Variants in PRKCH observed in about 807,000 individuals in gnomAD.
PRKCH encodes protein kinase C eta type.
PRKCH carries 28 observed loss-of-function variants against 82.5 expected under a neutral mutation model. The observed-to-expected ratio is 0.34, with a 90% CI of 0.25 to 0.47. PRKCH has a LOEUF of 0.47. Among genes scored for constraint, PRKCH ranks in the 20% least tolerant of loss-of-function variants. The pLI, the probability that PRKCH is intolerant of heterozygous loss-of-function variation, is 1.00. For synonymous variants in PRKCH, 322 were observed against 327.4 expected, an observed-to-expected ratio of 0.98 and a Z score of 0.18; for missense variants, 705 against 881.8, an observed-to-expected ratio of 0.80 and a Z score of 2.54.
At position 61,395,300 on chromosome 14, in the gene PRKCH, G is replaced by T. The variant is rs2031409; in HGVS notation, c.427+4012G>T. Among the ~76,000 whole-genome samples, 29 of 136,056 alleles carry T rather than the reference G, an allele frequency of 2.1e-4. 1 individual carries two copies. The South Asian group carries it at 6.2e-3, about 29-fold the overall frequency. The allele number at this position is 136,056 out of a possible 152,430, so 89.3% of individuals were successfully genotyped here. A position where few individuals can be genotyped will look rare whatever the true frequency, so the allele number is the denominator to read the frequency against. ...TAAGAAGGAAATGGAGCCCCCCCCC[G>T]CATTTGCCTGCCACAGCTGTGGCAG... On this transcript the variant is annotated intron_variant, in intron 2 of 13. Coordinates refer to ENST00000332981, the MANE Select transcript of PRKCH (RefSeq NM_006255.5).
chr14:61,279,773 T>G, intron 1 of PRKCH: 1 of 295,692 alleles, frequency 3.4e-6, no homozygotes, highest in East Asian at 7.0e-5. Flanking sequence ...CTTCCTCTAA[T>G]AGGGGTTTAA....
chr14:61,210,850 T>C (rs1055855055), intron 1 of PRKCH, among the ~76,000 whole-genome samples: 1 of 151,674 alleles, frequency 6.6e-6, no homozygotes, highest in Non-Finnish European at 1.5e-5. Context: ...CTGGGTTGAA[T>C]TAGAGAAGCA....
At chr14:61,432,232 T>C (rs919727625) in intron 2 of PRKCH, among the ~76,000 whole-genome samples, 2 of 152,186 alleles carry the variant, frequency 1.3e-5, no homozygotes, top group East Asian at 3.8e-4. Flanking sequence ...CCTTGATATT[T>C]TTGATATCTT....
At chr14:61,463,720 G>A (rs77606516) in intron 9 of PRKCH, among the ~76,000 whole-genome samples, 221 of 151,882 alleles carry the variant, frequency 1.5e-3, no homozygotes, top group African/African-American at 4.5e-3. Flanking sequence ...TATTTTTTTG[G>A]TCAACATCTC....
chr14:61,409,023 C>T (rs1882114498), intron 2 of PRKCH, among the ~76,000 whole-genome samples: 1 of 152,222 alleles, frequency 6.6e-6, no homozygotes, highest in Non-Finnish European at 1.5e-5. Flanking sequence ...TTCCTGTTCG[C>T]TAGGCCACAG....
chr14:61,238,188 G>A (rs1029630228), intron 1 of PRKCH, among the ~76,000 whole-genome samples: 8 of 152,238 alleles, frequency 5.3e-5, no homozygotes, highest in African/African-American at 1.9e-4. Flanking sequence ...CCTAACTATA[G>A]CCTCCATTAG....
chr14:61,532,326 G>A (rs1053668881), intron 12 of PRKCH, among the ~76,000 whole-genome samples: 1 of 152,174 alleles, frequency 6.6e-6, no homozygotes, highest in Non-Finnish European at 1.5e-5. Context: ...GGAAATAAAA[G>A]TCAGTCTATG....
intron 1 of PRKCH, among the ~76,000 whole-genome samples, chr14:61,262,217 T>TACAAAAA (rs1203573094): frequency 5.6e-5 from 4 of 71,088 alleles, no homozygotes; most frequent in Admixed American, 4.3e-4. Flanking sequence ...TGAGACTCTG[T>TACAAAAA]ATAAAAAAAA....
chr14:61,232,922 C>G (rs559842175), intron 1 of PRKCH, among the ~76,000 whole-genome samples: 54 of 152,250 alleles, frequency 3.5e-4, no homozygotes, highest in African/African-American at 1.2e-3. Flanking sequence ...AAGACATTGG[C>G]AATTCCAAGG....
chr14:61,431,484 A>T (rs141889470), intron 2 of PRKCH, among the ~76,000 whole-genome samples: 1 of 152,280 alleles, frequency 6.6e-6, no homozygotes, highest in African/African-American at 2.4e-5. Context: ...CCTTGGTCTC[A>T]TTCTACCTTA....
Position 61,450,736 on chromosome 14 carries a change from C to G in PRKCH, c.703-106C>G, listed in dbSNP as rs574195251. 47 of 1,325,274 alleles carry G rather than the reference C, an allele frequency of 3.5e-5. No individual in the cohort carries two copies. In the South Asian group the frequency reaches 5.3e-4, roughly 15 times the overall value. The allele number at this position is 1,325,274 out of a possible 1,614,324, so 82.1% of individuals were successfully genotyped here. On this transcript the variant is annotated intron_variant, in intron 5 of 13. Coordinates refer to ENST00000332981, the MANE Select transcript of PRKCH (RefSeq NM_006255.5). ...GTACAGTAAAATAATATACCTAGCT[C>G]AGGTGTCATAGTGACACTTTGCATT...
intron 1 of PRKCH, among the ~76,000 whole-genome samples, chr14:61,239,893 A>C (rs1465958540): frequency 6.6e-6 from 1 of 152,180 alleles, no homozygotes; most frequent in Non-Finnish European, 1.5e-5. Context: ...CTGACCCAGC[A>C]CTGTCTTTTG....
intron 1 of PRKCH, among the ~76,000 whole-genome samples, chr14:61,228,351 G>C (rs1343177341): frequency 3.9e-5 from 6 of 152,316 alleles, no homozygotes; most frequent in Non-Finnish European, 7.3e-5. Context: ...TTAATGTGTT[G>C]CGCTCTGTTT....
chr14:61,486,503 G>A (rs1255898017), intron 10 of PRKCH, among the ~76,000 whole-genome samples: 2 of 152,172 alleles, frequency 1.3e-5, no homozygotes, highest in African/African-American at 4.8e-5. Flanking sequence ...GAATTCAACA[G>A]ATATCAAATG....
rs534547155 is a variant in PRKCH, at chr14:61,299,336, G to A, written c.-19+111668G>A. On this transcript the variant is annotated intron_variant, in intron 1 of 3. Transcript: ENST00000555185. The stretch of plus-strand genomic sequence containing the variant: ...AGTTGTATGCATGCTCACCTGAGGC[G>A]TTCTTACCTTACCAGTCAAAAGTTC... Among the ~76,000 whole-genome samples, 49 of 152,108 alleles carry A rather than the reference G, an allele frequency of 3.2e-4. No homozygotes were observed. The South Asian group carries it at 9.8e-3, about 30-fold the overall frequency.
At chr14:61,530,140 C>T (rs1164576343) in intron 11 of PRKCH, among the ~76,000 whole-genome samples, 3 of 152,048 alleles carry the variant, frequency 2.0e-5, no homozygotes, top group Admixed American at 2.0e-4. Context: ...ATTTCCAGAA[C>T]CCTTTCTGTT....
intron 1 of PRKCH, among the ~76,000 whole-genome samples, chr14:61,220,419 A>G (rs1305733825): frequency 6.6e-6 from 1 of 152,250 alleles, no homozygotes; most frequent in Non-Finnish European, 1.5e-5. Context: ...GCTAGTTAGG[A>G]AAGACAGGGC....
At chr14:61,215,902 G>A (rs1230960451) in intron 1 of PRKCH, among the ~76,000 whole-genome samples, 1 of 152,200 alleles carries the variant, frequency 6.6e-6, no homozygotes, top group Non-Finnish European at 1.5e-5. Flanking sequence ...CCTTGTGCCA[G>A]TCGCAGAATT....
At chr14:61,536,865 A>C (rs1113590) in intron 12 of PRKCH, among the ~76,000 whole-genome samples, 42,159 of 151,768 alleles carry the variant, frequency 0.28, 6,762 homozygotes, top group African/African-American at 0.44. Flanking sequence ...TGCCCTCTCC[A>C]CCCGCAACAC....
Sources: gnomAD v4.1 joint callset for allele counts (sites outside exome capture counted in the v4.1 genomes callset) on GRCh38, gnomAD v4.1.1 for gene constraint, MANE v1.5 for transcripts, NCBI Gene and HGNC (gene_info 2026-07-23, HGNC 2026-07-21) for gene names.